The following AUTS2 variants were observed in gnomAD, a reference collection of about 807,000 sequenced individuals.
AUTS2 encodes activator of transcription and developmental regulator AUTS2.
A neutral mutation model predicts 112.4 loss-of-function variants in AUTS2; 17 were observed. That is an observed-to-expected ratio of 0.15 (90% confidence interval 0.10 to 0.23). The LOEUF (loss-of-function observed/expected upper bound fraction) is 0.23, where lower values mean the gene tolerates loss of function less well. Ranked by LOEUF, AUTS2 falls within the 10% of genes least tolerant of loss-of-function variation. AUTS2 has a pLI of 1.00. For synonymous variants in AUTS2, 751 were observed against 702.7 expected (o/e 1.07, Z -1.09); for missense variants, 1,510 against 1,701.6 (o/e 0.89, Z 1.98).
intron 2 of AUTS2, among the ~76,000 whole-genome samples, chr7:69,998,872 C>T (rs1227467406): frequency 6.6e-6 from 1 of 152,040 alleles, no homozygotes; most frequent in Admixed American, 6.6e-5. Context: ...GAGAAGATGA[C>T]GTTAAGCAAA....
chr7:69,945,215 T>G (rs1469510119), intron 2 of AUTS2, among the ~76,000 whole-genome samples: 1 of 152,204 alleles, frequency 6.6e-6, no homozygotes, highest in Non-Finnish European at 1.5e-5. Flanking sequence ...TTTTAGAACA[T>G]TTTATCACCC....
chr7:70,584,857 C>T (rs1802610819), intron 5 of AUTS2, among the ~76,000 whole-genome samples: 1 of 152,240 alleles, frequency 6.6e-6, no homozygotes, highest in Non-Finnish European at 1.5e-5. Context: ...TGTCTTCATT[C>T]CAGAAGCTCT....
intron 1 of AUTS2, among the ~76,000 whole-genome samples, chr7:69,689,640 T>TTTATTTA (rs1797232129): frequency 5.9e-5 from 7 of 119,468 alleles, no homozygotes; most frequent in Admixed American, 8.8e-5. Context: ...GCACCCGGCC[T>TTTATTTA]TTTATTTATT....
chr7:69,625,641 T>C (rs1213678399), intron 1 of AUTS2, among the ~76,000 whole-genome samples: 1 of 152,070 alleles, frequency 6.6e-6, no homozygotes. Flanking sequence ...GGAGGATCCC[T>C]TGAGTCCAGG....
chr7:70,406,989 C>T (rs1424418102), intron 4 of AUTS2, among the ~76,000 whole-genome samples: 7 of 152,188 alleles, frequency 4.6e-5, no homozygotes, highest in Non-Finnish European at 8.8e-5. Context: ...TTGTCATTCT[C>T]CTTATGGACA....
chr7:70,741,779 C>T, intron 6 of AUTS2, among the ~76,000 whole-genome samples: 1 of 151,634 alleles, frequency 6.6e-6, no homozygotes, highest in East Asian at 1.9e-4. Flanking sequence ...CTCATGGGAG[C>T]TGACATGAGG....
chr7:70,708,900 AT>A (rs1435074098), intron 6 of AUTS2, among the ~76,000 whole-genome samples: 1 of 149,388 alleles, frequency 6.7e-6, no homozygotes, highest in African/African-American at 2.5e-5. Context: ...CTTCAGTTAG[AT>A]TTTATTGTTT....
intron 4 of AUTS2, among the ~76,000 whole-genome samples, chr7:70,176,721 T>C (rs984978006): frequency 2.0e-5 from 3 of 152,196 alleles, no homozygotes; most frequent in Admixed American, 2.0e-4. Flanking sequence ...CTTTCTAAAA[T>C]ATGTTCAGTG....
Position 70,171,894 on chromosome 7 carries a change from G to GT in AUTS2, c.660+37334dup, listed in dbSNP as rs11295400. Among the ~76,000 whole-genome samples, 365 of 145,518 alleles carry GT rather than the reference G, an allele frequency of 2.5e-3. 2 individuals are homozygous for GT. The highest frequency in any genetic ancestry group is 7.0e-3 in the Middle Eastern group (2 of 286). Reference sequence around the variant, plus strand: ...AGAATGTAGTCTTTATTATAAACAAGTTTTTTTTTTTGGGGGGGGGTAGTT... The same window carrying GT: ...AGAATGTAGTCTTTATTATAAACAAGTTTTTTTTTTTTGGGGGGGGGTAGTT... On this transcript the variant is annotated intron_variant, in intron 4 of 18. Coordinates refer to ENST00000342771, the MANE Select transcript of AUTS2 (RefSeq NM_015570.4).
intron 5 of AUTS2, among the ~76,000 whole-genome samples, chr7:70,636,981 A>T (rs576627003): frequency 6.6e-6 from 1 of 152,182 alleles, no homozygotes; most frequent in African/African-American, 2.4e-5. Flanking sequence ...TGCATGTAAG[A>T]TGGCATTGTT....
chr7:70,302,255 T>C (rs1789251543), intron 4 of AUTS2, among the ~76,000 whole-genome samples: 1 of 151,968 alleles, frequency 6.6e-6, no homozygotes. Context: ...TAGTAAAAAT[T>C]CAGTTTAAAA....
intron 5 of AUTS2, among the ~76,000 whole-genome samples, chr7:70,647,256 C>T (rs903371196): frequency 1.3e-5 from 2 of 152,160 alleles, no homozygotes; most frequent in African/African-American, 4.8e-5. Flanking sequence ...CATTCTTATC[C>T]ACACAGCGAA....
chr7:70,566,843 T>A (rs1022717227), intron 5 of AUTS2, among the ~76,000 whole-genome samples: 16 of 152,242 alleles, frequency 1.1e-4, no homozygotes, highest in Admixed American at 8.5e-4. Flanking sequence ...TGGTATTGCA[T>A]TTCTGGTACG....
rs558509579 is a variant in AUTS2, at chr7:70,330,029, G to A, written c.661-105723G>A. On this transcript the variant is annotated intron_variant, in intron 4 of 18. Coordinates refer to ENST00000342771, the MANE Select transcript of AUTS2 (RefSeq NM_015570.4). ...CCTTAGTCCCATTCAAGAGGAAGGA[G>A]CCCTCATGACCCAGCCTCCTCCTGA... 1.4e-4 allele frequency among the ~76,000 whole-genome samples: 21 copies of A among 152,240 alleles called. No individual in the cohort carries two copies. The South Asian group carries it at 3.7e-3, about 27-fold the overall frequency.
At chr7:70,605,500 T>G (rs1011516222) in intron 5 of AUTS2, among the ~76,000 whole-genome samples, 2 of 150,738 alleles carry the variant, frequency 1.3e-5, no homozygotes, top group Non-Finnish European at 2.9e-5. Flanking sequence ...GCAGTTCATT[T>G]GTTTTTGTCT....
intron 1 of AUTS2, among the ~76,000 whole-genome samples, chr7:69,633,367 A>G (rs1182835441): frequency 6.6e-6 from 1 of 152,120 alleles, no homozygotes; most frequent in Admixed American, 6.6e-5. Flanking sequence ...ACAGATGCTT[A>G]GGTTGTCTCC....
intron 1 of AUTS2, among the ~76,000 whole-genome samples, chr7:69,765,986 T>G (rs758174715): frequency 6.6e-6 from 1 of 152,108 alleles, no homozygotes; most frequent in Non-Finnish European, 1.5e-5. Flanking sequence ...ATAAATAACA[T>G]AAAATTTACC....
At chr7:70,504,767 T>C (rs180963958) in intron 5 of AUTS2, among the ~76,000 whole-genome samples, 1 of 152,236 alleles carries the variant, frequency 6.6e-6, no homozygotes, top group Non-Finnish European at 1.5e-5. Context: ...TCTGTTTTTA[T>C]ATTTACACAG....
chr7:70,177,918 GTT>G (rs765470016), intron 4 of AUTS2, among the ~76,000 whole-genome samples: 4 of 134,824 alleles, frequency 3.0e-5, no homozygotes, highest in Non-Finnish European at 1.6e-5. Context: ...ACATAATTCT[GTT>G]TTTTTTTTTT....
Sources: allele counts gnomAD v4.1 joint callset (sites outside exome capture counted in the v4.1 genomes callset), GRCh38; gene constraint gnomAD v4.1.1; transcripts MANE v1.5; gene names NCBI Gene and HGNC (gene_info 2026-07-23, HGNC 2026-07-21).